The following C5orf58 variants were observed in gnomAD, a reference collection of about 807,000 sequenced individuals.
C5orf58 encodes the protein chromosome 5 open reading frame 58.
Under a neutral mutation model 2.9 loss-of-function variants are expected in C5orf58, and 2 were observed. The ratio of observed to expected loss-of-function variants is 0.69; its 90% CI spans 0.28 to 2.18. The LOEUF is 2.18. Among genes scored for constraint, C5orf58 ranks in the 30% most tolerant of loss-of-function variants. The probability of loss-of-function intolerance (pLI) is 0.13; values close to 1 mark genes in which losing one functional copy is unlikely to be tolerated. For missense variants in C5orf58, 96 were observed against 91.7 expected (o/e 1.05, Z -0.19); for synonymous variants, 37 against 33.4 (o/e 1.11, Z -0.37).
At chr5:170,240,126 T>C (rs2113105682) in intron 3 of C5orf58, among the ~76,000 whole-genome samples, 1 of 150,898 alleles carries the variant, frequency 6.6e-6, no homozygotes, top group South Asian at 2.1e-4. Context: ...TATGGCTGCA[T>C]AGTATTCCAT....
At chr5:170,237,666 G>A (rs979546321) in intron 3 of C5orf58, among the ~76,000 whole-genome samples, 2 of 152,140 alleles carry the variant, frequency 1.3e-5, no homozygotes, top group African/African-American at 2.4e-5. Flanking sequence ...GGAAGTAGGG[G>A]TGAAATTTGG....
chr5:170,248,594 G>A (rs2113141611), downstream of C5orf58: 1 of 1,208,346 alleles, frequency 8.3e-7, no homozygotes. Flanking sequence ...TTCATGGGGA[G>A]GGGTTCAGTT....
At chr5:170,243,298 T>C (rs2113120313) in intron 3 of C5orf58, among the ~76,000 whole-genome samples, 1 of 141,362 alleles carries the variant, frequency 7.1e-6, no homozygotes, top group East Asian at 2.1e-4. Context: ...TTAGGTCCGC[T>C]TGGTGCAGAG....
intron 1 of C5orf58, chr5:170,233,672 C>G (rs561102124): frequency 1.6e-3 from 266 of 168,240 alleles, no homozygotes; most frequent in Non-Finnish European, 2.4e-3. Context: ...GTCTCCGCTT[C>G]CCCACTCCCG....
chr5:170,239,833 G>A (rs1760910517), intron 3 of C5orf58, among the ~76,000 whole-genome samples: 1 of 151,792 alleles, frequency 6.6e-6, no homozygotes, highest in African/African-American at 2.4e-5. Context: ...GTGCAGGTTA[G>A]TTACATATGT....
chr5:170,244,265 G>T (rs1234431591), intron 3 of C5orf58, among the ~76,000 whole-genome samples: 1 of 147,936 alleles, frequency 6.8e-6, no homozygotes, highest in Non-Finnish European at 1.5e-5. Flanking sequence ...TCTTGGAGTT[G>T]CTCTTCTCGA....
chr5:170,250,646 G>A (rs540693965), downstream of C5orf58: 22 of 1,069,540 alleles, frequency 2.1e-5, no homozygotes, highest in East Asian at 1.4e-4. Flanking sequence ...CATACAGCAC[G>A]GACTCTCAAA....
downstream of C5orf58, among the ~76,000 whole-genome samples, chr5:170,249,803 G>C (rs1414284226): frequency 2.0e-5 from 3 of 152,186 alleles, no homozygotes; most frequent in African/African-American, 7.2e-5. Context: ...AACCCTAACA[G>C]GATAATGCAC....
intron 3 of C5orf58, among the ~76,000 whole-genome samples, chr5:170,245,444 T>G (rs1326288247): frequency 6.6e-6 from 1 of 152,252 alleles, no homozygotes; most frequent in South Asian, 2.1e-4. Context: ...GCGTAGGACC[T>G]TCCAAGCCAG....
intron 3 of C5orf58, among the ~76,000 whole-genome samples, chr5:170,244,424 C>T (rs1410677640): frequency 4.3e-4 from 64 of 147,940 alleles, no homozygotes; most frequent in African/African-American, 1.1e-3. Flanking sequence ...ACCAATCAGA[C>T]GTAGATTTGG....
At position 170,246,132 on chromosome 5, in the gene C5orf58, T is replaced by A; in HGVS notation, c.*19T>A. 1 of 1,593,838 alleles carries A rather than the reference T, an allele frequency of 6.3e-7. No homozygotes were observed. Among genetic ancestry groups the A allele is most frequent in the South Asian group, 1.1e-5 (1 of 88,540 alleles). On this transcript the variant is annotated 3_prime_UTR_variant, in exon 4 of 4. Transcript: ENST00000593851. ...TATCTGATTTCTTATTTGTTATGAG[T>A]TTCTGTTTTATTGTTGAACTAACAA...
At chr5:170,250,988 G>T, downstream of C5orf58, 1 of 876,600 alleles carries the variant, frequency 1.1e-6, no homozygotes, top group Non-Finnish European at 1.8e-6. Context: ...AAACATGTCA[G>T]TTGCACTTTG....
At chr5:170,238,713 G>A (rs1760845936) in intron 3 of C5orf58, among the ~76,000 whole-genome samples, 2 of 152,178 alleles carry the variant, frequency 1.3e-5, no homozygotes, top group South Asian at 4.1e-4. Context: ...TCATATGAAA[G>A]TTCTCATATG....
downstream of C5orf58, among the ~76,000 whole-genome samples, chr5:170,250,300 A>G (rs1761406061): frequency 2.0e-5 from 3 of 152,210 alleles, no homozygotes; most frequent in Non-Finnish European, 4.4e-5. Context: ...CCAAACCTCC[A>G]TTTTGTTAAG....
downstream of C5orf58, chr5:170,248,942 A>T: frequency 1.1e-6 from 1 of 921,882 alleles, no homozygotes; most frequent in South Asian, 1.5e-5. Context: ...TGGGGGGAAA[A>T]AATGTAAATG....
At chr5:170,252,033 A>G (rs3789184) in exon 3 of C5orf58, 96,579 of 196,302 alleles carry the variant, frequency 0.49, 24,181 homozygotes, top group South Asian at 0.53. Context: ...AGTTGCTGCC[A>G]TCTCTTTAAT....
chr5:170,250,958 C>T, downstream of C5orf58: 2 of 1,238,662 alleles, frequency 1.6e-6, no homozygotes, highest in Admixed American at 2.1e-5. Flanking sequence ...GAGTAGTAGA[C>T]AAGCCTCTAG....
intron 3 of C5orf58, among the ~76,000 whole-genome samples, chr5:170,236,149 AC>A (rs1418317351): frequency 1.3e-5 from 2 of 152,044 alleles, no homozygotes; most frequent in Non-Finnish European, 1.5e-5. Flanking sequence ...ACCAGTTTGG[AC>A]CACTCAGAAC....
At chr5:170,245,933 TATA>T (rs748055830) in intron 3 of C5orf58, 26 bp from the exon 4 acceptor site, 6 of 1,596,544 alleles carry the variant, frequency 3.8e-6, no homozygotes, top group East Asian at 2.2e-5. Context: ...TGTGCTACAA[TATA>T]ATATCTCCTG....
Sources: allele counts gnomAD v4.1 joint callset (sites outside exome capture counted in the v4.1 genomes callset), GRCh38; gene constraint gnomAD v4.1.1; transcripts MANE v1.5; gene names NCBI Gene and HGNC (gene_info 2026-07-23, HGNC 2026-07-21).